Variants in NPSR1 observed in about 807,000 individuals in gnomAD.
NPSR1 encodes neuropeptide S receptor.
Under a neutral mutation model 46.9 loss-of-function variants are expected in NPSR1, and 48 were observed. The observed-to-expected ratio is 1.02, with a 90% CI of 0.81 to 1.30. The LOEUF is 1.30. Ranked by LOEUF, NPSR1 falls within the 50% of genes most tolerant of loss-of-function variation. The pLI is 0.00. For missense variants in NPSR1, 450 were observed against 449.5 expected, an observed-to-expected ratio of 1.00 and a Z score of -0.01; for synonymous variants, 176 against 168.1, an observed-to-expected ratio of 1.05 and a Z score of -0.36.
chr7:34,851,595 C>T (rs993432446), downstream of NPSR1, among the ~76,000 whole-genome samples: 7 of 152,170 alleles, frequency 4.6e-5, no homozygotes, highest in African/African-American at 1.7e-4. Flanking sequence ...GGAACTGTTG[C>T]TAAAATAGCT....
At chr7:34,803,686 G>A (rs535519779) in intron 3 of NPSR1, among the ~76,000 whole-genome samples, 20 of 150,664 alleles carry the variant, frequency 1.3e-4, no homozygotes, top group African/African-American at 4.1e-4. Context: ...CCTGCACATT[G>A]TGTACATGTA....
intron 2 of NPSR1, among the ~76,000 whole-genome samples, chr7:34,748,783 T>C (rs576071354): frequency 1.3e-5 from 2 of 151,416 alleles, no homozygotes; most frequent in South Asian, 4.2e-4. Context: ...TGCCTGGGAG[T>C]GGGATTGGCG....
intron 2 of NPSR1, among the ~76,000 whole-genome samples, chr7:34,736,005 G>T (rs1784650097): frequency 6.6e-6 from 1 of 152,136 alleles, no homozygotes; most frequent in Non-Finnish European, 1.5e-5. Context: ...TAAAGACAGG[G>T]ATGAGAAGGA....
chr7:34,680,099 A>G (rs1454380238), intron 1 of NPSR1, among the ~76,000 whole-genome samples: 1 of 152,156 alleles, frequency 6.6e-6, no homozygotes, highest in Non-Finnish European at 1.5e-5. Flanking sequence ...TTTTATGCAT[A>G]ACAAGAATGC....
intron 3 of NPSR1, among the ~76,000 whole-genome samples, chr7:34,787,432 G>A (rs561434471): frequency 3.3e-5 from 5 of 152,230 alleles, no homozygotes; most frequent in East Asian, 1.9e-4. Flanking sequence ...CATATCAGCA[G>A]TAAGCTTGTT....
At chr7:34,802,552 T>C (rs908616391) in intron 3 of NPSR1, among the ~76,000 whole-genome samples, 20 of 149,682 alleles carry the variant, frequency 1.3e-4, no homozygotes, top group East Asian at 3.9e-4. Flanking sequence ...TTACACCTCA[T>C]ACAAAAATCA....
intron 8 of NPSR1, 113 bp from the exon 9 acceptor site, chr7:34,849,452 A>C: frequency 6.2e-7 from 1 of 1,600,920 alleles, no homozygotes; most frequent in Middle Eastern, 1.7e-4. Context: ...AGTGCCTGGC[A>C]CAGTTGTCTG....
chr7:34,773,581 A>G (rs1786793294), intron 2 of NPSR1, among the ~76,000 whole-genome samples: 1 of 152,214 alleles, frequency 6.6e-6, no homozygotes, highest in South Asian at 2.1e-4. Context: ...AATGTAGTCA[A>G]CTTGCCACAA....
chr7:34,875,755 T>G (rs749610361), intron 8 of NPSR1, among the ~76,000 whole-genome samples: 5 of 152,274 alleles, frequency 3.3e-5, no homozygotes, highest in Non-Finnish European at 7.3e-5. Flanking sequence ...GCATTTGGAA[T>G]GACATACCCA....
intron 2 of NPSR1, among the ~76,000 whole-genome samples, chr7:34,771,403 G>A (rs1786679031): frequency 6.6e-6 from 1 of 152,162 alleles, no homozygotes; most frequent in Non-Finnish European, 1.5e-5. Context: ...TCACACCACT[G>A]CACTCCAGCC....
At chr7:34,751,697 T>G in intron 2 of NPSR1, 5 of 1,587,394 alleles carry the variant, frequency 3.1e-6, no homozygotes, top group Non-Finnish European at 4.3e-6. Flanking sequence ...AACAGGAAAG[T>G]GGGGAGCATT....
chr7:34,710,937 C>T (rs1783249978), intron 2 of NPSR1: 1 of 378,242 alleles, frequency 2.6e-6, no homozygotes, highest in South Asian at 2.3e-5. Flanking sequence ...ACAAGGAGTA[C>T]AGGCAGATGG....
Position 34,849,950 on chromosome 7 carries a change from G to A in NPSR1, c.*295G>A. The A allele has an allele frequency of 6.1e-6, 7 of 1,154,304 alleles. No individual in the cohort carries two copies. Among genetic ancestry groups the A allele is most frequent in the Non-Finnish European group, 6.4e-6 (6 of 932,572 alleles). 71.5% of individuals were successfully genotyped at this position (1,154,304 alleles called of 1,614,324 possible). Reference sequence around the variant, plus strand: ...AGTGAACACAGGCATTAGTGGTCCAGGGTCCTGGCTTGGAGCCAGTGAGTA... The same window carrying A: ...AGTGAACACAGGCATTAGTGGTCCAAGGTCCTGGCTTGGAGCCAGTGAGTA... On this transcript the variant is annotated 3_prime_UTR_variant, in exon 9 of 9. Transcript: ENST00000360581.
At chr7:34,789,393 G>C (rs969505746) in intron 3 of NPSR1, among the ~76,000 whole-genome samples, 5 of 151,886 alleles carry the variant, frequency 3.3e-5, no homozygotes, top group African/African-American at 9.7e-5. Context: ...CCTTTAGCTA[G>C]AATAACTAGG....
In NPSR1 at chr7:34,868,274, G is replaced by A. The variant is rs191404658; in HGVS notation, c.1026-9802G>A. Reference sequence around the variant, plus strand: ...CCCTTCACTAGAAAGCCAGCCCTGGGGAGGGAGGGACCAGGCAGCAGCCCC... The same window carrying A: ...CCCTTCACTAGAAAGCCAGCCCTGGAGAGGGAGGGACCAGGCAGCAGCCCC... On this transcript the variant is annotated intron_variant, in intron 8 of 8. Coordinates refer to the NPSR1 transcript ENST00000359791. Among the ~76,000 whole-genome samples, 1,423 of 151,530 alleles carry A rather than the reference G, an allele frequency of 9.4e-3. 45 individuals are homozygous for A. The highest frequency in any genetic ancestry group is 0.032 in the African/African-American group (1,310 of 40,836).
intron 8 of NPSR1, among the ~76,000 whole-genome samples, chr7:34,866,033 A>T (rs1271063919): frequency 6.6e-6 from 1 of 151,748 alleles, no homozygotes; most frequent in Non-Finnish European, 1.5e-5. Flanking sequence ...TCCAATCTTC[A>T]TCATAACAAA....
intron 1 of NPSR1, among the ~76,000 whole-genome samples, chr7:34,662,017 G>T (rs1455756766): frequency 1.3e-5 from 2 of 152,130 alleles, no homozygotes; most frequent in African/African-American, 4.8e-5. Context: ...CACCAGCAAT[G>T]TTTCCTGAAT....
chr7:34,758,025 G>T (rs956812678), intron 2 of NPSR1: 1 of 152,648 alleles, frequency 6.6e-6, no homozygotes, highest in Admixed American at 6.5e-5. Flanking sequence ...CATAACTGGT[G>T]TTTCAATCCC....
chr7:34,842,397 C>T (rs1562768520), intron 6 of NPSR1, among the ~76,000 whole-genome samples: 1 of 152,198 alleles, frequency 6.6e-6, no homozygotes, highest in Admixed American at 6.5e-5. Flanking sequence ...GTTGTGGAGG[C>T]TGCCCTGTGC....
Sources: allele counts gnomAD v4.1 joint callset (sites outside exome capture counted in the v4.1 genomes callset), GRCh38; gene constraint gnomAD v4.1.1; transcripts MANE v1.5; gene names NCBI Gene and HGNC (gene_info 2026-07-23, HGNC 2026-07-21).